The following GPC6 variants were observed in gnomAD, a reference collection of about 807,000 sequenced individuals.
The protein encoded by GPC6 is glypican 6.
GPC6 carries 14 observed loss-of-function variants against 55.2 expected under a neutral mutation model. The observed-to-expected ratio is 0.25, with a 90% confidence interval of 0.17 to 0.40. The LOEUF is 0.40. GPC6 is among the 10% of genes least tolerant of loss of function. The probability of loss-of-function intolerance (pLI) is 1.00; values close to 1 mark genes in which losing one functional copy is unlikely to be tolerated. For synonymous variants in GPC6, 278 were observed against 259.6 expected (o/e 1.07, Z -0.68); for missense variants, 641 against 708.5 (o/e 0.90, Z 1.08).
At chr13:93,544,861 C>T (rs1874692159) in intron 1 of GPC6, among the ~76,000 whole-genome samples, 2 of 152,130 alleles carry the variant, frequency 1.3e-5, no homozygotes, top group South Asian at 4.1e-4. Context: ...ATCATCTTTT[C>T]TTGCTTTTGG....
chr13:94,004,228 G>A (rs912746118), intron 3 of GPC6, among the ~76,000 whole-genome samples: 3 of 152,178 alleles, frequency 2.0e-5, no homozygotes, highest in East Asian at 1.9e-4. Flanking sequence ...ATGTACTCAT[G>A]TAGAGAAAGC....
Position 94,167,900 on chromosome 13 carries a change from G to A in GPC6, c.878-118449G>A, listed in dbSNP as rs569418577. On this transcript the variant is annotated intron_variant, in intron 4 of 8. Transcript: ENST00000377047. ...GAAGAAGTTGACTAATAATAGTAAT[G>A]CCAATTGCTTATTCAATACCTTTTA... 3.3e-5 allele frequency among the ~76,000 whole-genome samples: 5 copies of A among 152,264 alleles called. No homozygotes were observed. In the South Asian group the frequency reaches 1.0e-3, roughly 32 times the overall value.
intron 1 of GPC6, among the ~76,000 whole-genome samples, chr13:93,351,437 A>G (rs1196379737): frequency 6.6e-6 from 1 of 152,064 alleles, no homozygotes; most frequent in East Asian, 1.9e-4. Flanking sequence ...TGGGAAGGGT[A>G]GGGGGAAGGC....
chr13:93,613,192 T>A (rs963990203), intron 2 of GPC6, among the ~76,000 whole-genome samples: 1 of 152,164 alleles, frequency 6.6e-6, no homozygotes, highest in Non-Finnish European at 1.5e-5. Flanking sequence ...TCTCTTCCTT[T>A]ACAACCAATG....
chr13:94,367,443 C>T (rs9516404), intron 6 of GPC6, among the ~76,000 whole-genome samples: 16,859 of 152,230 alleles, frequency 0.11, 1,152 homozygotes, highest in East Asian at 0.32. Flanking sequence ...GGGAATGAGG[C>T]ACAATCAGAA....
At chr13:93,789,509 CTATATATA>C (rs201331720) in intron 2 of GPC6, among the ~76,000 whole-genome samples, 53 of 93,454 alleles carry the variant, frequency 5.7e-4, no homozygotes, top group African/African-American at 1.5e-3. Flanking sequence ...CTCTCTCTCT[CTATATATA>C]TATATATATA....
At position 93,470,397 on chromosome 13, in the gene GPC6, G is replaced by A. The variant is rs114720590; in HGVS notation, c.161-74866G>A. Among the ~76,000 whole-genome samples the A allele has an allele frequency of 5.8e-3, 888 of 152,036 alleles. 9 individuals are homozygous for A. The highest frequency in any genetic ancestry group is 0.021 in the African/African-American group (854 of 41,504). ...TAAAATCATAAGGGATTTCTTTTCG[G>A]ACTGTTAATATAATGGCTTTTATAG... is the stretch of plus-strand genomic sequence containing the variant. On this transcript the variant is annotated intron_variant, in intron 1 of 8. Coordinates refer to ENST00000377047, the MANE Select transcript of GPC6 (RefSeq NM_005708.5).
At chr13:93,597,844 G>A (rs1208417311) in intron 2 of GPC6, among the ~76,000 whole-genome samples, 1 of 151,986 alleles carries the variant, frequency 6.6e-6, no homozygotes, top group African/African-American at 2.4e-5. Context: ...ATGCTTCTGG[G>A]GAGTCAAAAG....
intron 6 of GPC6, among the ~76,000 whole-genome samples, chr13:94,339,545 G>A (rs1273582862): frequency 1.3e-5 from 2 of 152,100 alleles, no homozygotes; most frequent in Admixed American, 6.6e-5. Context: ...GCAACTTAGG[G>A]TCACTGTTAT....
intron 2 of GPC6, among the ~76,000 whole-genome samples, chr13:93,711,967 G>A (rs2138809799): frequency 6.6e-6 from 1 of 151,714 alleles, no homozygotes; most frequent in African/African-American, 2.4e-5. Flanking sequence ...TAGACTAACT[G>A]GAGGACACAC....
chr13:93,527,317 G>T (rs1024200307), intron 1 of GPC6, among the ~76,000 whole-genome samples: 2 of 151,932 alleles, frequency 1.3e-5, no homozygotes, highest in African/African-American at 4.8e-5. Flanking sequence ...CATTACGTTC[G>T]ATGTAAAGAC....
chr13:94,051,356 C>G (rs1450381653), intron 4 of GPC6, among the ~76,000 whole-genome samples: 2 of 149,776 alleles, frequency 1.3e-5, no homozygotes, highest in Non-Finnish European at 3.0e-5. Context: ...AACAGGCTAT[C>G]TTGCACACTC....
chr13:93,357,089 A>G (rs1880873242), intron 1 of GPC6, among the ~76,000 whole-genome samples: 1 of 152,188 alleles, frequency 6.6e-6, no homozygotes, highest in South Asian at 2.1e-4. Flanking sequence ...AGTTTCCTCC[A>G]TTTGGTAGAT....
chr13:93,336,069 A>G (rs1371680122), intron 1 of GPC6, among the ~76,000 whole-genome samples: 1 of 152,244 alleles, frequency 6.6e-6, no homozygotes, highest in Non-Finnish European at 1.5e-5. Flanking sequence ...ATTATGCTGA[A>G]GTCACTTCAC....
At chr13:93,955,432 T>C (rs1484944311) in intron 3 of GPC6, among the ~76,000 whole-genome samples, 2 of 152,156 alleles carry the variant, frequency 1.3e-5, no homozygotes, top group Admixed American at 1.3e-4. Flanking sequence ...ATTATGCAGA[T>C]TGATATCAAT....
At chr13:93,793,314 T>A (rs992914125) in intron 2 of GPC6, among the ~76,000 whole-genome samples, 2 of 152,210 alleles carry the variant, frequency 1.3e-5, no homozygotes, top group African/African-American at 2.4e-5. Context: ...TTCCACTCTC[T>A]GCTTCAGTTG....
chr13:93,654,137 G>A (rs906826979), intron 2 of GPC6, among the ~76,000 whole-genome samples: 2 of 152,088 alleles, frequency 1.3e-5, no homozygotes, highest in Admixed American at 6.6e-5. Context: ...TTCTAATGCT[G>A]AATGATCTTT....
At chr13:94,238,810 T>C (rs1890959864) in intron 4 of GPC6, among the ~76,000 whole-genome samples, 1 of 151,964 alleles carries the variant, frequency 6.6e-6, no homozygotes, top group Non-Finnish European at 1.5e-5. Flanking sequence ...AAAACATGCT[T>C]GTAGAGGTAA....
At chr13:93,781,326 T>C (rs1309267141) in intron 2 of GPC6, among the ~76,000 whole-genome samples, 2 of 151,986 alleles carry the variant, frequency 1.3e-5, no homozygotes, top group African/African-American at 2.4e-5. Context: ...TTGTCTACTC[T>C]TTACTAACAA....
Sources: gnomAD v4.1 joint callset for allele counts (sites outside exome capture counted in the v4.1 genomes callset) on GRCh38, gnomAD v4.1.1 for gene constraint, MANE v1.5 for transcripts, NCBI Gene and HGNC (gene_info 2026-07-23, HGNC 2026-07-21) for gene names.